ATG7: variants seen among roughly 807,000 people sequenced by gnomAD.
ATG7 encodes the protein autophagy related 7.
Under a neutral mutation model 82.4 loss-of-function variants are expected in ATG7, and 70 were observed. The observed-to-expected ratio is 0.85, with a 90% CI of 0.70 to 1.04. The LOEUF is 1.04. Ranked by LOEUF, ATG7 falls within the 50% of genes least tolerant of loss-of-function variation. The probability of loss-of-function intolerance (pLI) is 0.00; values close to 1 mark genes in which losing one functional copy is unlikely to be tolerated. For synonymous variants in ATG7, 287 were observed against 313.0 expected (o/e 0.92, Z 0.88); for missense variants, 792 against 864.3 (o/e 0.92, Z 1.05).
chr3:11,375,433 G>A (rs1477855915), intron 18 of ATG7, among the ~76,000 whole-genome samples: 2 of 152,204 alleles, frequency 1.3e-5, no homozygotes, highest in Admixed American at 6.5e-5. Context: ...TTAGAGAAAT[G>A]CAAGTCACAA....
At chr3:11,524,397 C>T (rs757256749) in intron 20 of ATG7, among the ~76,000 whole-genome samples, 32 of 152,280 alleles carry the variant, frequency 2.1e-4, no homozygotes, top group Non-Finnish European at 3.2e-4. Flanking sequence ...CCATACACAA[C>T]GGTGATAGCT....
Position 11,317,326 on chromosome 3 carries a change from G to A in ATG7, c.678+1833G>A, listed in dbSNP as rs962882844. Among the ~76,000 whole-genome samples, 29 of 152,182 alleles carry A rather than the reference G, an allele frequency of 1.9e-4. 3 individuals carry two copies. Among genetic ancestry groups the A allele is most frequent in the Admixed American group, 1.6e-3 (24 of 15,276 alleles). ...GATTAAATGGCCTGTGTTTGGAAGCGACCGTAGGTCAGGTTGTATGTGGTA... is the reference window on the plus strand; with the variant it reads ...GATTAAATGGCCTGTGTTTGGAAGCAACCGTAGGTCAGGTTGTATGTGGTA... On this transcript the variant is annotated intron_variant, in intron 9 of 20. Transcript: ENST00000693202.
At chr3:11,479,929 A>ATTT (rs1240114722) in intron 20 of ATG7, among the ~76,000 whole-genome samples, 48 of 140,858 alleles carry the variant, frequency 3.4e-4, no homozygotes, top group African/African-American at 1.2e-3. Flanking sequence ...CCTGGAATCA[A>ATTT]TTTTTTTTTT....
Position 11,360,748 on chromosome 3 carries a change from C to T in ATG7, c.1647C>T (p.Gly549=). ...CCAACATCCCTGGTTACAAGCTTGG[C>T]TGCTACTTCTGCAATGATGTGGTGG... ...LFANIPGYKL[G]CYFCNDVVAP... is the part of the protein sequence containing the mutation. Residue 549 remains glycine (G), a synonymous_variant, in exon 16 of 21, where the codon GGC becomes GGT. Transcript: ENST00000693202. The T allele has an allele frequency of 2.5e-6, 4 of 1,614,200 alleles. No individual in the cohort carries two copies. The highest frequency in any genetic ancestry group is 3.4e-6 in the Non-Finnish European group (4 of 1,180,022).
chr3:11,434,168 G>T (rs376771896), intron 20 of ATG7, among the ~76,000 whole-genome samples: 9 of 152,228 alleles, frequency 5.9e-5, no homozygotes, highest in East Asian at 3.9e-4. Context: ...CCACACAGCT[G>T]GTTTTGATTT....
chr3:11,416,622 T>G (rs1256949640), intron 19 of ATG7, among the ~76,000 whole-genome samples: 1 of 152,192 alleles, frequency 6.6e-6, no homozygotes, highest in Non-Finnish European at 1.5e-5. Flanking sequence ...ATTGGAGGCT[T>G]ATCAATTTAC....
At chr3:11,380,634 G>A (rs899027750) in intron 19 of ATG7, among the ~76,000 whole-genome samples, 3 of 152,114 alleles carry the variant, frequency 2.0e-5, no homozygotes, top group African/African-American at 7.2e-5. Flanking sequence ...ATAGGCTTTC[G>A]GATACCATCT....
chr3:11,544,911 G>T (rs1286095383), intron 20 of ATG7, among the ~76,000 whole-genome samples: 11 of 152,200 alleles, frequency 7.2e-5, no homozygotes, highest in African/African-American at 2.7e-4. Flanking sequence ...GCAGTCCCCT[G>T]GGGAAGTCAG....
At chr3:11,558,830 G>A (rs373856433), downstream of ATG7, 33 of 1,609,164 alleles carry the variant, frequency 2.1e-5, no homozygotes, top group African/African-American at 2.7e-4. Context: ...GGTGGCAGCT[G>A]CAGGCAAGCA....
intron 20 of ATG7, among the ~76,000 whole-genome samples, chr3:11,478,075 G>A (rs2088470299): frequency 6.6e-6 from 1 of 152,074 alleles, no homozygotes; most frequent in African/African-American, 2.4e-5. Context: ...ATCCTGCCTG[G>A]ATCCCATGTA....
chr3:11,366,020 C>T (rs1350708113), intron 18 of ATG7, among the ~76,000 whole-genome samples: 1 of 151,916 alleles, frequency 6.6e-6, no homozygotes, highest in East Asian at 1.9e-4. Context: ...GAGTTTGAGA[C>T]CAGCCTGACC....
At chr3:11,575,307 C>T in the ATG7 span, among the ~76,000 whole-genome samples, 1 of 152,238 alleles carries the variant, frequency 6.6e-6, no homozygotes, top group Admixed American at 6.5e-5. Context: ...CTCTGTCTCT[C>T]TAACTGCGCC....
intron 20 of ATG7, among the ~76,000 whole-genome samples, chr3:11,518,783 G>C (rs577536754): frequency 1.3e-5 from 2 of 152,152 alleles, no homozygotes; most frequent in Non-Finnish European, 2.9e-5. Flanking sequence ...CTGAAAAGCA[G>C]TGTACTTTTA....
intron 19 of ATG7, among the ~76,000 whole-genome samples, chr3:11,412,117 A>C (rs901150297): frequency 6.6e-6 from 1 of 152,182 alleles, no homozygotes; most frequent in East Asian, 1.9e-4. Flanking sequence ...ATAGGAGCTC[A>C]GTCTCAAATC....
chr3:11,389,093 C>A (rs2078559341), intron 19 of ATG7, among the ~76,000 whole-genome samples: 1 of 151,788 alleles, frequency 6.6e-6, no homozygotes, highest in African/African-American at 2.4e-5. Context: ...ACTAAAAATA[C>A]AAAAATTAGC....
chr3:11,504,963 C>T (rs1315281880), intron 20 of ATG7, among the ~76,000 whole-genome samples: 1 of 152,120 alleles, frequency 6.6e-6, no homozygotes, highest in Non-Finnish European at 1.5e-5. Context: ...TCCTCATTTA[C>T]CGAGCAAAAT....
chr3:11,382,210 C>T (rs929368712), intron 19 of ATG7, among the ~76,000 whole-genome samples: 1 of 152,144 alleles, frequency 6.6e-6, no homozygotes, highest in African/African-American at 2.4e-5. Flanking sequence ...TAAGTTTCTG[C>T]TGAATAGTGA....
chr3:11,290,758 C>T (rs1944852786), intron 3 of ATG7: 1 of 172,350 alleles, frequency 5.8e-6, no homozygotes, highest in Admixed American at 6.4e-5. Flanking sequence ...GATCTCAGCT[C>T]ACTGCAACCT....
chr3:11,380,258 G>A (rs1016058429), intron 19 of ATG7, among the ~76,000 whole-genome samples: 3 of 152,146 alleles, frequency 2.0e-5, no homozygotes, highest in African/African-American at 7.2e-5. Flanking sequence ...AAATGTGTAG[G>A]GAGACTGAGT....
Sources: allele counts gnomAD v4.1 joint callset (sites outside exome capture counted in the v4.1 genomes callset), GRCh38; gene constraint gnomAD v4.1.1; transcripts MANE v1.5; gene names NCBI Gene and HGNC (gene_info 2026-07-23, HGNC 2026-07-21).